TRIM31: variants seen among roughly 807,000 people sequenced by gnomAD.
TRIM31 encodes E3 ubiquitin-protein ligase TRIM31.
A neutral mutation model predicts 40.6 loss-of-function variants in TRIM31; 31 were observed. The observed-to-expected ratio is 0.76, with a 90% CI of 0.57 to 1.03. The LOEUF is 1.03. Among genes scored for constraint, TRIM31 ranks in the 50% least tolerant of loss-of-function variants. The pLI is 0.00. For missense variants in TRIM31, 455 were observed against 497.5 expected, an observed-to-expected ratio of 0.91 and a Z score of 0.81; for synonymous variants, 164 against 193.9, an observed-to-expected ratio of 0.85 and a Z score of 1.28.
At chr6:30,106,839 C>G (rs1057055126) in intron 6 of TRIM31, among the ~76,000 whole-genome samples, 2 of 152,176 alleles carry the variant, frequency 1.3e-5, no homozygotes, top group African/African-American at 4.8e-5. Flanking sequence ...TGGTGGCTCA[C>G]GCCTGTAATC....
chr6:30,111,795 A>C, intron 2 of TRIM31, 52 bp from the exon 3 acceptor site: 4 of 1,562,444 alleles, frequency 2.6e-6, no homozygotes, highest in Non-Finnish European at 3.5e-6. Context: ...TTCTGGCCTC[A>C]TAAAATCCTC....
In TRIM31 at chr6:30,103,748, C is replaced by T. The variant is rs751943825; in HGVS notation, c.1066G>A (p.Ala356Thr). Residue 356 changes from alanine (A) to threonine (T), a missense_variant, in exon 9 of 9, where the codon GCC (alanine) becomes ACC (threonine). Ala to Thr is a moderately conservative substitution (Grantham distance 58). Coordinates refer to ENST00000376734, the MANE Select transcript of TRIM31 (RefSeq NM_007028.5). ...TSGPPNHHSS[A>T]PSHSLFRASS... ...GCCCGAAACAGGGAGTGGGATGGGG[C>T]TGAAGAGTGGTGATTTGGTGGCCCC... 1 of 1,612,990 alleles carries T rather than the reference C, an allele frequency of 6.2e-7. No homozygotes were observed. The highest frequency in any genetic ancestry group is 8.5e-7 in the Non-Finnish European group (1 of 1,180,026).
At chr6:30,104,595 T>C (rs926298918) in intron 7 of TRIM31, among the ~76,000 whole-genome samples, 2 of 152,208 alleles carry the variant, frequency 1.3e-5, no homozygotes, top group Admixed American at 1.3e-4. Flanking sequence ...CTGGGTAACT[T>C]ACCTCCCCTC....
chr6:30,104,386 T>C (rs569892465), intron 7 of TRIM31, among the ~76,000 whole-genome samples: 1 of 152,284 alleles, frequency 6.6e-6, no homozygotes, highest in East Asian at 1.9e-4. Flanking sequence ...GGGCCTGGGA[T>C]ACTAAGCATT....
intron 3 of TRIM31, 22 bp downstream of exon 3, chr6:30,111,626 C>G (rs1213538869): frequency 6.2e-7 from 1 of 1,608,982 alleles, no homozygotes; most frequent in Non-Finnish European, 8.5e-7. Context: ...TTCCAGAGAT[C>G]GTGGGATGGA....
At chr6:30,111,847 C>T (rs1337871904) in intron 2 of TRIM31, 104 bp from the exon 3 acceptor site, 1 of 1,055,194 alleles carries the variant, frequency 9.5e-7, no homozygotes, top group South Asian at 1.4e-5. Flanking sequence ...CAGGTGAGTC[C>T]TTGTGTAATT....
At chr6:30,108,952 G>T in intron 5 of TRIM31, 74 bp downstream of exon 5, 1 of 1,483,426 alleles carries the variant, frequency 6.7e-7, no homozygotes, top group Non-Finnish European at 9.4e-7. Flanking sequence ...AATGTTGACT[G>T]CATTTGGATA....
chr6:30,104,440 A>C (rs1216168176), intron 7 of TRIM31, among the ~76,000 whole-genome samples: 1 of 152,192 alleles, frequency 6.6e-6, no homozygotes. Context: ...TGGCCTTTCT[A>C]AACACCGGTA....
chr6:30,110,454 C>A lies in TRIM31; in HGVS notation c.738G>T (p.Leu246=), dbSNP rs945454870. 1 of 1,614,096 alleles carries A rather than the reference C, an allele frequency of 6.2e-7. No individual in the cohort carries two copies. Among genetic ancestry groups the A allele is most frequent in the African/African-American group, 1.3e-5 (1 of 75,042 alleles). Residue 246 remains leucine, a synonymous_variant, in exon 4 of 9, where the codon CTG becomes CTT. Coordinates refer to ENST00000376734, the MANE Select transcript of TRIM31 (RefSeq NM_007028.5). ...KTKQNMPPRQ[L]LEDIKVVLCR... ...CTGCCCCCAAGGGACTCACCTCCAG[C>A]AGCTGCCTGGGTGGCATGTTCTGCT...
rs182056309 is a variant in TRIM31 at position 30,111,415 on chromosome 6, C to T, written c.513+233G>A. 135 of 537,274 alleles carry T rather than the reference C, an allele frequency of 2.5e-4. 3 individuals carry two copies. The highest frequency in any genetic ancestry group is 2.0e-3 in the Middle Eastern group (4 of 2,036). 33.3% of individuals were successfully genotyped at this position (537,274 alleles called of 1,614,324 possible). A position where few individuals can be genotyped will look rare whatever the true frequency, so the allele number is the denominator to read the frequency against. ...CCTGTACTTGCGATTCTAAGACCAG[C>T]GCGGGTTTTCCGTGCCCCACCTTGT... On this transcript the variant is annotated intron_variant, in intron 3 of 8. Coordinates refer to ENST00000376734, the MANE Select transcript of TRIM31 (RefSeq NM_007028.5).
Position 30,110,630 on chromosome 6 carries a change from G to A in TRIM31, c.562C>T (p.Leu188=). The A allele has an allele frequency of 6.2e-7, 1 of 1,614,178 alleles. No individual in the cohort carries two copies. Among genetic ancestry groups the A allele is most frequent in the Non-Finnish European group, 8.5e-7 (1 of 1,180,038 alleles). The change falls in exon 4 of 9, where the codon CTG becomes TTG. Residue 188 remains leucine, a synonymous_variant. Coordinates refer to ENST00000376734, the MANE Select transcript of TRIM31 (RefSeq NM_007028.5). ...TTCTCCTCCTCTAGGACTTGATGCA[G>A]GAGTTCAAATTCTGTGAGGATCCTT... The part of the protein sequence containing the change: ...KQRILTEFEL[L]HQVLEEEKNF...
Position 30,103,719 on chromosome 6 carries a change from C to T in TRIM31, c.1095G>A (p.Ser365=), listed in dbSNP as rs374769113. The T allele has an allele frequency of 5.6e-6, 9 of 1,612,896 alleles. No individual in the cohort carries two copies. The African/African-American group carries it at 8.0e-5, about 14-fold the overall frequency. ...SAPSHSLFRA[S]SAGKVTFPVC... The stretch of plus-strand genomic sequence containing the variant: ...CTGGAAAAGTGACTTTCCCAGCAGA[C>T]GAGGCCCGAAACAGGGAGTGGGATG... Residue 365 remains serine (S), a synonymous_variant, in exon 9 of 9, where the codon TCG becomes TCA. Transcript: ENST00000376734.
In TRIM31 at chr6:30,112,511, G is replaced by C. The variant is rs751442542; in HGVS notation, c.295C>G (p.Gln99Glu). The C allele has an allele frequency of 6.2e-7, 1 of 1,613,014 alleles. No individual in the cohort carries two copies. Among genetic ancestry groups the C allele is most frequent in the Non-Finnish European group, 8.5e-7 (1 of 1,180,052 alleles). The change falls in exon 2 of 9, where the codon CAG becomes GAG. Residue 99 changes from glutamine (Q) to glutamate (E), a missense_variant. Transcript: ENST00000376734. ...TCGCAGAAATAGTGGAACATCTCCT[G>C]GTGCCTCGGGCATGTAGCCTCTTTC... is the stretch of plus-strand genomic sequence containing the variant. ...KRKEATCPRH[Q>E]EMFHYFCEDD...
chr6:30,111,542 A>G lies in TRIM31; in HGVS notation c.513+106T>C. On this transcript the variant is annotated intron_variant, in intron 3 of 8. Coordinates refer to ENST00000376734, the MANE Select transcript of TRIM31 (RefSeq NM_007028.5). ...GGTGCTGAGGCGCCGAGGAGAGGAC[A>G]TGGCTCACTGGATCTTTTTCTGAGG... 5 of 1,159,986 alleles carry G rather than the reference A, an allele frequency of 4.3e-6. No homozygotes were observed. In the Admixed American group the frequency reaches 7.8e-5, roughly 18 times the overall value. The allele number at this position is 1,159,986 out of a possible 1,614,324, so 71.9% of individuals were successfully genotyped here.
At position 30,103,756 on chromosome 6, in the gene TRIM31, T is replaced by G; in HGVS notation, c.1058A>C (p.His353Pro). The G allele has an allele frequency of 3.1e-6, 5 of 1,611,420 alleles. No individual in the cohort carries two copies. The highest frequency in any genetic ancestry group is 4.2e-6 in the Non-Finnish European group (5 of 1,179,618). ...CAGGGAGTGGGATGGGGCTGAAGAG[T>G]GGTGATTTGGTGGCCCCGATGTAGT... ...GRTTSGPPNH[H>P]SSAPSHSLFR... is the part of the protein sequence containing the mutation. Residue 353 changes from histidine (H) to proline (P), a missense_variant, in exon 9 of 9, where the codon CAC becomes CCC. By Grantham distance (77) the His-to-Pro change is moderately conservative. Transcript: ENST00000376734.
chr6:30,112,870 T>C lies in TRIM31; in HGVS notation c.-65A>G, dbSNP rs993777975. ...TGCCAAGTCTGTAGGAGCCCCGGAG[T>C]CCACTGTGGATACTGTTTCTAGGAA... On this transcript the variant is annotated 5_prime_UTR_variant, in exon 2 of 9. Coordinates refer to ENST00000376734, the MANE Select transcript of TRIM31 (RefSeq NM_007028.5). 2 of 1,489,504 alleles carry C rather than the reference T, an allele frequency of 1.3e-6. No individual in the cohort carries two copies. The highest frequency in any genetic ancestry group is 1.4e-5 in the African/African-American group (1 of 71,072). The allele number at this position is 1,489,504 out of a possible 1,614,324, so 92.3% of individuals were successfully genotyped here.
intron 4 of TRIM31, among the ~76,000 whole-genome samples, chr6:30,109,908 A>G (rs115822876): frequency 0.018 from 2,697 of 152,192 alleles, 74 homozygotes; most frequent in South Asian, 0.13. Flanking sequence ...TACTTTTTCC[A>G]TTAAACACAA....
intron 4 of TRIM31, among the ~76,000 whole-genome samples, chr6:30,109,710 G>T (rs1009491917): frequency 6.6e-6 from 1 of 152,012 alleles, no homozygotes; most frequent in African/African-American, 2.4e-5. Flanking sequence ...GTAAAACCCC[G>T]TGTCTGCTAA....
chr6:30,110,488 A>G lies in TRIM31; in HGVS notation c.704T>C (p.Leu235Pro), dbSNP rs35775852. The change falls in exon 4 of 9, where the codon CTG (leucine) becomes CCG (proline). Residue 235 changes from leucine to proline, a missense_variant. Leu to Pro is a moderately conservative substitution (Grantham distance 98). Transcript: ENST00000376734. ...LNDLKKLVDS[L>P]KTKQNMPPRQ... Reference sequence around the variant, plus strand: ...GGGTGGCATGTTCTGCTTGGTCTTCAGGGAATCAACGAGCTTCTTGAGATC... The same window carrying G: ...GGGTGGCATGTTCTGCTTGGTCTTCGGGGAATCAACGAGCTTCTTGAGATC... 2.9e-3 allele frequency: 4,701 copies of G among 1,614,140 alleles called. 49 individuals are homozygous for G. The African/African-American group carries it at 0.034, about 12-fold the overall frequency.
Sources: gnomAD v4.1 joint callset for allele counts (sites outside exome capture counted in the v4.1 genomes callset) on GRCh38, gnomAD v4.1.1 for gene constraint, MANE v1.5 for transcripts, NCBI Gene and HGNC (gene_info 2026-07-23, HGNC 2026-07-21) for gene names.